The following GABRG1 variants were observed in gnomAD, a reference collection of about 807,000 sequenced individuals.
GABRG1 encodes gamma-aminobutyric acid type A receptor subunit gamma1.
Under a neutral mutation model 49.8 loss-of-function variants are expected in GABRG1, and 49 were observed. The ratio of observed to expected loss-of-function variants is 0.98; its 90% confidence interval spans 0.78 to 1.25. The LOEUF (loss-of-function observed/expected upper bound fraction) is 1.25. Among genes scored for constraint, GABRG1 ranks in the 50% most tolerant of loss-of-function variants. The pLI is 0.00. For synonymous variants in GABRG1, 232 were observed against 185.1 expected, an observed-to-expected ratio of 1.25 and a Z score of -2.06; for missense variants, 552 against 552.3, an observed-to-expected ratio of 1.00 and a Z score of 0.01.
chr4:46,103,351 A>G (rs1458604187), intron 1 of GABRG1, among the ~76,000 whole-genome samples: 1 of 151,662 alleles, frequency 6.6e-6, no homozygotes, highest in Non-Finnish European at 1.5e-5. Flanking sequence ...ATATGTACAG[A>G]AAAAATTCAC....
chr4:46,063,625 G>A (rs1466266992), intron 5 of GABRG1, among the ~76,000 whole-genome samples: 1 of 152,082 alleles, frequency 6.6e-6, no homozygotes. Flanking sequence ...CATGGGCAAG[G>A]ACTTCATGTC....
Position 46,040,802 on chromosome 4 carries a change from T to G in GABRG1, c.*186A>C. The stretch of plus-strand genomic sequence containing the variant: ...TACTGGATTTTGCAACTAATCAGTT[T>G]CACGTAAATTAGCCTGAAAGCTGCT... On this transcript the variant is annotated 3_prime_UTR_variant, in exon 9 of 9. Coordinates refer to ENST00000295452, the MANE Select transcript of GABRG1 (RefSeq NM_173536.4). The G allele has an allele frequency of 2.0e-6, 1 of 510,724 alleles. No homozygotes were observed. The allele number at this position is 510,724 out of a possible 1,614,324, so 31.6% of individuals were successfully genotyped here. A position where few individuals can be genotyped will look rare whatever the true frequency, so the allele number is the denominator to read the frequency against.
At chr4:46,062,731 CCT>C (rs1335093532) in intron 5 of GABRG1, among the ~76,000 whole-genome samples, 1 of 152,028 alleles carries the variant, frequency 6.6e-6, no homozygotes, top group African/African-American at 2.4e-5. Context: ...TCAAATTGTC[CCT>C]GTTTGCAGAC....
intron 1 of GABRG1, among the ~76,000 whole-genome samples, chr4:46,109,844 A>G (rs904024867): frequency 6.6e-6 from 1 of 150,992 alleles, no homozygotes; most frequent in East Asian, 2.0e-4. Flanking sequence ...CTTGGTATTG[A>G]TATCTATTTT....
chr4:46,111,180 C>A (rs551418830), intron 1 of GABRG1, among the ~76,000 whole-genome samples: 1 of 151,138 alleles, frequency 6.6e-6, no homozygotes, highest in East Asian at 2.0e-4. Context: ...GTTTAAAACT[C>A]AGTAGAATTT....
chr4:46,123,830 C>T lies in GABRG1; in HGVS notation c.84G>A (p.Leu28=). ...CTCACCAGTTTCCCAAATGCAGGGT[C>T]AGTAACAAGAAGACCAACCTCACCC... The part of the protein sequence containing the change: ...SRGVRLVFLL[L]TLHLGNCVDK... Residue 28 remains leucine (L), a synonymous_variant, in exon 1 of 9, where the codon CTG becomes CTA. Transcript: ENST00000295452. 1 of 1,613,394 alleles carries T rather than the reference C, an allele frequency of 6.2e-7. No homozygotes were observed. The highest frequency in any genetic ancestry group is 8.5e-7 in the Non-Finnish European group (1 of 1,179,536).
At chr4:46,078,529 A>G (rs546982790) in intron 3 of GABRG1, among the ~76,000 whole-genome samples, 3 of 152,072 alleles carry the variant, frequency 2.0e-5, no homozygotes, top group South Asian at 2.1e-4. Flanking sequence ...AGATCAGCCT[A>G]TGGAATGCCG....
chr4:46,062,013 C>T (rs1718711520), intron 5 of GABRG1, among the ~76,000 whole-genome samples: 1 of 141,208 alleles, frequency 7.1e-6, no homozygotes, highest in Non-Finnish European at 1.5e-5. Context: ...TCTCCTAATG[C>T]TATCCCTCCC....
At chr4:46,057,265 G>A (rs1296216165) in intron 7 of GABRG1, among the ~76,000 whole-genome samples, 1 of 152,072 alleles carries the variant, frequency 6.6e-6, no homozygotes, top group Non-Finnish European at 1.5e-5. Context: ...CTCATGCATT[G>A]TTGTTGTCAC....
chr4:46,121,755 G>T (rs1027842942), intron 1 of GABRG1, among the ~76,000 whole-genome samples: 1 of 151,258 alleles, frequency 6.6e-6, no homozygotes, highest in Non-Finnish European at 1.5e-5. Flanking sequence ...AGGCCGTAAG[G>T]GCTAATTAGA....
intron 2 of GABRG1, among the ~76,000 whole-genome samples, chr4:46,084,427 A>G (rs1198317577): frequency 6.6e-6 from 1 of 151,640 alleles, no homozygotes; most frequent in Non-Finnish European, 1.5e-5. Flanking sequence ...TGACCAGGCA[A>G]GATGTATTTA....
At chr4:46,050,095 T>C (rs1363918128) in intron 8 of GABRG1, among the ~76,000 whole-genome samples, 1 of 151,962 alleles carries the variant, frequency 6.6e-6, no homozygotes, top group African/African-American at 2.4e-5. Context: ...AGGAAAATTG[T>C]AGAAAGCATT....
At chr4:46,059,581 A>C (rs531140972) in intron 5 of GABRG1, among the ~76,000 whole-genome samples, 3 of 151,174 alleles carry the variant, frequency 2.0e-5, no homozygotes, top group Non-Finnish European at 3.0e-5. Flanking sequence ...TTTTCTTTTT[A>C]TTTTTATCTT....
intron 2 of GABRG1, among the ~76,000 whole-genome samples, chr4:46,092,092 C>T (rs1264971213): frequency 6.6e-6 from 1 of 151,760 alleles, no homozygotes; most frequent in East Asian, 1.9e-4. Flanking sequence ...GAAGGCAATA[C>T]AAAATAATTT....
chr4:46,077,605 A>G (rs1190087370), intron 3 of GABRG1, among the ~76,000 whole-genome samples: 5 of 152,006 alleles, frequency 3.3e-5, no homozygotes, highest in African/African-American at 9.7e-5. Flanking sequence ...TAAAATAGGT[A>G]TAACTTCACA....
chr4:46,104,320 G>A (rs1320653018), intron 1 of GABRG1, among the ~76,000 whole-genome samples: 1 of 151,460 alleles, frequency 6.6e-6, no homozygotes, highest in African/African-American at 2.4e-5. Flanking sequence ...AACTGTCTAT[G>A]AAACCAATAC....
intron 2 of GABRG1, among the ~76,000 whole-genome samples, chr4:46,095,178 G>T (rs1720126489): frequency 6.6e-6 from 1 of 151,626 alleles, no homozygotes; most frequent in Non-Finnish European, 1.5e-5. Context: ...TTTAATAATA[G>T]GCAGGAAAAT....
chr4:46,071,507 A>G (rs1182903316), intron 3 of GABRG1, among the ~76,000 whole-genome samples: 2 of 150,894 alleles, frequency 1.3e-5, no homozygotes, highest in Non-Finnish European at 1.5e-5. Flanking sequence ...TATATGTACC[A>G]TTATATATGT....
intron 5 of GABRG1, among the ~76,000 whole-genome samples, chr4:46,063,483 T>C (rs1718790839): frequency 6.6e-6 from 1 of 152,256 alleles, no homozygotes; most frequent in Non-Finnish European, 1.5e-5. Flanking sequence ...TGGCTAGCCA[T>C]ATGTAGAAAG....
Sources: gnomAD v4.1 joint callset for allele counts (sites outside exome capture counted in the v4.1 genomes callset) on GRCh38, gnomAD v4.1.1 for gene constraint, MANE v1.5 for transcripts, NCBI Gene and HGNC (gene_info 2026-07-23, HGNC 2026-07-21) for gene names.